Variants in CCDC93 observed in about 807,000 individuals in gnomAD.
CCDC93 encodes the protein coiled-coil domain-containing protein 93.
Under a neutral mutation model 108.2 loss-of-function variants are expected in CCDC93, and 61 were observed. The ratio of observed to expected loss-of-function variants is 0.56; its 90% CI spans 0.46 to 0.70. The LOEUF (loss-of-function observed/expected upper bound fraction) is 0.70. CCDC93 is among the 30% of genes least tolerant of loss of function. The pLI, the probability that CCDC93 is intolerant of heterozygous loss-of-function variation, is 0.00. For missense variants in CCDC93, 685 were observed against 764.2 expected (o/e 0.90, Z 1.22); for synonymous variants, 276 against 260.4 (o/e 1.06, Z -0.58).
intron 3 of CCDC93, among the ~76,000 whole-genome samples, chr2:118,005,872 G>C (rs982187878): frequency 2.6e-5 from 4 of 151,972 alleles, no homozygotes; most frequent in African/African-American, 4.8e-5. Context: ...TAAATATAAA[G>C]TAAATTGCAA....
At chr2:117,991,434 C>G (rs545572852) in intron 6 of CCDC93, among the ~76,000 whole-genome samples, 17 of 152,260 alleles carry the variant, frequency 1.1e-4, no homozygotes, top group African/African-American at 4.1e-4. Context: ...AAGCAGAGAG[C>G]AGGTGAAAAG....
intron 1 of CCDC93, among the ~76,000 whole-genome samples, chr2:118,009,388 C>T (rs1467756745): frequency 6.6e-6 from 1 of 151,246 alleles, no homozygotes; most frequent in African/African-American, 2.4e-5. Context: ...TTATACTTGG[C>T]CAGGCACAGT....
intron 6 of CCDC93, among the ~76,000 whole-genome samples, chr2:117,986,956 G>A (rs1680339385): frequency 6.7e-6 from 1 of 149,952 alleles, no homozygotes; most frequent in Admixed American, 6.7e-5. Flanking sequence ...TACTATTACA[G>A]CTTGAGCTTA....
Position 117,920,263 on chromosome 2 carries a change from C to G in CCDC93, c.*80G>C. 1.1e-6 allele frequency: 1 copy of G among 929,862 alleles called. No homozygotes were observed. 57.6% of individuals were successfully genotyped at this position (929,862 alleles called of 1,614,324 possible). ...AACTGCATCTCTCTACTGTCGCTTT[C>G]AGAACCATTTCATGATCTTGTAGGT... On this transcript the variant is annotated 3_prime_UTR_variant, in exon 24 of 24. Coordinates refer to ENST00000376300, the MANE Select transcript of CCDC93 (RefSeq NM_019044.5).
chr2:118,004,560 A>C (rs1256544767), intron 3 of CCDC93, among the ~76,000 whole-genome samples: 1 of 152,258 alleles, frequency 6.6e-6, no homozygotes, highest in Non-Finnish European at 1.5e-5. Context: ...GTTTTAGTCT[A>C]AACTGCACCT....
intron 6 of CCDC93, among the ~76,000 whole-genome samples, 189 bp from the exon 7 acceptor site, chr2:117,986,258 C>T (rs1033164696): frequency 6.7e-6 from 1 of 150,066 alleles, no homozygotes; most frequent in East Asian, 2.0e-4. Context: ...AGCTCTGCCT[C>T]TACCGTGGGG....
intron 1 of CCDC93, among the ~76,000 whole-genome samples, chr2:118,009,437 T>G (rs1399637042): frequency 6.7e-6 from 1 of 149,244 alleles, no homozygotes; most frequent in Admixed American, 6.7e-5. Context: ...GGAGGCCAAG[T>G]GGGGGTGCCG....
At chr2:117,998,677 T>C (rs1340262366) in intron 4 of CCDC93, 1 of 152,168 alleles carries the variant, frequency 6.6e-6, no homozygotes, top group Non-Finnish European at 1.5e-5. Flanking sequence ...CTGCAGAAGA[T>C]CACTTCCAAT....
At chr2:117,956,843 T>G (rs1679233888) in intron 12 of CCDC93, among the ~76,000 whole-genome samples, 1 of 152,000 alleles carries the variant, frequency 6.6e-6, no homozygotes, top group Non-Finnish European at 1.5e-5. Flanking sequence ...CTTTTAAATA[T>G]GTGGGACTAA....
At chr2:117,954,332 G>C (rs1387959494) in intron 12 of CCDC93, among the ~76,000 whole-genome samples, 1 of 152,196 alleles carries the variant, frequency 6.6e-6, no homozygotes, top group Non-Finnish European at 1.5e-5. Context: ...GGGGGTTCAG[G>C]AAACCTTCAC....
intron 23 of CCDC93, among the ~76,000 whole-genome samples, chr2:117,926,265 G>A (rs539498507): frequency 7.3e-5 from 11 of 151,620 alleles, no homozygotes; most frequent in East Asian, 5.8e-4. Flanking sequence ...AAATAACTAA[G>A]ATCAGAGCAG....
intron 13 of CCDC93, chr2:117,949,888 A>C (rs1678998990): frequency 1.0e-6 from 1 of 985,402 alleles, no homozygotes; most frequent in Non-Finnish European, 1.2e-6. Context: ...CCTCAGGAAG[A>C]AGCTGTGTGG....
At position 117,919,202 on chromosome 2, in the gene CCDC93, T is replaced by G. The variant is rs557019998; in HGVS notation, c.*1141A>C. 6.6e-6 allele frequency: 1 copy of G among 152,314 alleles called. No homozygotes were observed. Among genetic ancestry groups the G allele is most frequent in the South Asian group, 2.1e-4 (1 of 4,820 alleles). The allele number at this position is 152,314 out of a possible 1,614,324, so 9.4% of individuals were successfully genotyped here. A position where few individuals can be genotyped will look rare whatever the true frequency, so the allele number is the denominator to read the frequency against. On this transcript the variant is annotated 3_prime_UTR_variant, in exon 24 of 24. Transcript: ENST00000376300. ...CTGCCCTTCAAGGCCCTCCAAAGCCTAGTCTCAGCCCTACTTCCCAGACGG... is the reference window on the plus strand; with the variant it reads ...CTGCCCTTCAAGGCCCTCCAAAGCCGAGTCTCAGCCCTACTTCCCAGACGG...
Position 117,975,245 on chromosome 2 carries a change from C to T in CCDC93, c.693G>A (p.Leu231=). The change falls in exon 9 of 24, where the codon CTG becomes CTA. Residue 231 remains leucine, a synonymous_variant. Coordinates refer to ENST00000376300, the MANE Select transcript of CCDC93 (RefSeq NM_019044.5). ...GGGCATCAGCTTTTTCTGTAGCTGA[C>T]AGCCCTGCTGGAAGTGCCGTTTTCT... is the stretch of plus-strand genomic sequence containing the variant. ...EDKKTALPAG[L]SATEKADAHE... is the part of the protein sequence containing the mutation. The T allele has an allele frequency of 6.2e-7, 1 of 1,613,748 alleles. No homozygotes were observed. The highest frequency in any genetic ancestry group is 8.5e-7 in the Non-Finnish European group (1 of 1,179,972).
intron 6 of CCDC93, among the ~76,000 whole-genome samples, chr2:117,990,395 T>C (rs1032710566): frequency 3.9e-5 from 6 of 152,150 alleles, no homozygotes; most frequent in Admixed American, 3.9e-4. Flanking sequence ...AAGCAGGTAC[T>C]GGGAATAATC....
At chr2:117,948,016 T>C in intron 15 of CCDC93, 89 bp downstream of exon 15, 1 of 1,067,644 alleles carries the variant, frequency 9.4e-7, no homozygotes, top group Admixed American at 1.8e-5. Context: ...TAAACTGCAC[T>C]GGATAGGATG....
At chr2:117,954,306 G>C (rs1232635010) in intron 12 of CCDC93, among the ~76,000 whole-genome samples, 1 of 152,312 alleles carries the variant, frequency 6.6e-6, no homozygotes, top group Middle Eastern at 3.4e-3. Flanking sequence ...AGGAAAGAGA[G>C]TTAGCTCCCT....
At chr2:118,009,781 C>T (rs950289634) in intron 1 of CCDC93, among the ~76,000 whole-genome samples, 4 of 152,100 alleles carry the variant, frequency 2.6e-5, no homozygotes, top group African/African-American at 7.2e-5. Context: ...CTTCCCTTTT[C>T]GATCTCGAAA....
At chr2:117,927,175 C>A (rs1678141970) in intron 23 of CCDC93, among the ~76,000 whole-genome samples, 1 of 152,014 alleles carries the variant, frequency 6.6e-6, no homozygotes, top group African/African-American at 2.4e-5. Context: ...ACTGAATGGG[C>A]AAAAACTGGA....
Sources: gnomAD v4.1 joint callset for allele counts (sites outside exome capture counted in the v4.1 genomes callset) on GRCh38, gnomAD v4.1.1 for gene constraint, MANE v1.5 for transcripts, NCBI Gene and HGNC (gene_info 2026-07-23, HGNC 2026-07-21) for gene names.